The following STIM2 variants were observed in gnomAD, a reference collection of about 807,000 sequenced individuals.
STIM2 encodes the protein stromal interaction molecule 2.
A neutral mutation model predicts 85.8 loss-of-function variants in STIM2; 31 were observed. The ratio of observed to expected loss-of-function variants is 0.36; its 90% CI spans 0.27 to 0.49. The LOEUF is 0.49. Ranked by LOEUF, STIM2 falls within the 20% of genes least tolerant of loss-of-function variation. The probability of loss-of-function intolerance (pLI) is 0.98; values close to 1 mark genes in which losing one functional copy is unlikely to be tolerated. For synonymous variants in STIM2, 356 were observed against 331.1 expected (o/e 1.08, Z -0.82); for missense variants, 841 against 927.6 (o/e 0.91, Z 1.21).
intron 3 of STIM2, among the ~76,000 whole-genome samples, chr4:26,959,882 C>T (rs1014694228): frequency 1.3e-5 from 2 of 152,030 alleles, no homozygotes; most frequent in Non-Finnish European, 2.9e-5. Flanking sequence ...TCTCTAAGCC[C>T]CAGTTGGCTA....
chr4:26,910,161 A>G (rs1387266007), intron 1 of STIM2, among the ~76,000 whole-genome samples: 3 of 152,202 alleles, frequency 2.0e-5, no homozygotes, highest in Admixed American at 6.5e-5. Flanking sequence ...ATAATGATAG[A>G]TGCTACAATG....
chr4:27,021,586 A>G (rs1728914428), intron 11 of STIM2: 1 of 456,738 alleles, frequency 2.2e-6, no homozygotes, highest in Non-Finnish European at 4.4e-6. Flanking sequence ...TACTCTGAGT[A>G]TGAGAGAAAG....
intron 1 of STIM2, among the ~76,000 whole-genome samples, chr4:26,914,194 T>C (rs961029005): frequency 2.6e-5 from 4 of 152,254 alleles, no homozygotes; most frequent in African/African-American, 9.6e-5. Context: ...TTATACTTTT[T>C]CTGTTAATTA....
chr4:27,008,872 C>A lies in STIM2; in HGVS notation c.1359C>A (p.Ser453Arg). 6.2e-7 allele frequency: 1 copy of A among 1,614,162 alleles called. No homozygotes were observed. Among genetic ancestry groups the A allele is most frequent in the Non-Finnish European group, 8.5e-7 (1 of 1,180,018 alleles). ...TAGCCCATAACTCAGGACTCCCCAG[C>A]CTGACCTCTTCCCTTTATTCTGATC... Residue 453 changes from serine (S) to arginine (R), a missense_variant, in exon 10 of 12, where the codon AGC becomes AGA. By Grantham distance (110) the Ser-to-Arg change is moderately radical. Around this residue, in one of 3 missense-constraint regions of STIM2, gnomAD observed 408 missense variants for 525.4 expected, o/e 0.78. Transcript: ENST00000467087.
At chr4:26,863,375 A>G (rs1356690410) in intron 1 of STIM2, among the ~76,000 whole-genome samples, 1 of 152,178 alleles carries the variant, frequency 6.6e-6, no homozygotes, top group African/African-American at 2.4e-5. Context: ...ATAAAACTAC[A>G]CAATATACAA....
At chr4:26,968,174 A>T (rs1726803180) in intron 3 of STIM2, among the ~76,000 whole-genome samples, 1 of 152,158 alleles carries the variant, frequency 6.6e-6, no homozygotes, top group Non-Finnish European at 1.5e-5. Flanking sequence ...CTGTATCCAA[A>T]AAAAATCATT....
chr4:26,890,341 C>A (rs1723419721), intron 1 of STIM2, among the ~76,000 whole-genome samples: 1 of 152,136 alleles, frequency 6.6e-6, no homozygotes, highest in Admixed American at 6.5e-5. Context: ...ACCTTCAGGG[C>A]CTGCTTGATC....
chr4:26,874,033 G>T (rs1214217345), intron 1 of STIM2: 3 of 702,672 alleles, frequency 4.3e-6, no homozygotes, highest in Non-Finnish European at 5.3e-6. Context: ...CCAGCCACTT[G>T]GTGTCAGGAC....
intron 3 of STIM2, among the ~76,000 whole-genome samples, chr4:26,960,248 A>G (rs180982732): frequency 6.6e-6 from 1 of 152,338 alleles, no homozygotes; most frequent in East Asian, 1.9e-4. Context: ...CTGCTGAAGT[A>G]GAGATTAGAA....
chr4:26,945,353 C>T (rs572273398), intron 2 of STIM2, among the ~76,000 whole-genome samples: 62 of 152,160 alleles, frequency 4.1e-4, no homozygotes, highest in Admixed American at 7.9e-4. Flanking sequence ...CATTGATGGG[C>T]GTTTAGGTTG....
chr4:26,864,256 G>A (rs1030694984), intron 1 of STIM2, among the ~76,000 whole-genome samples: 13 of 151,992 alleles, frequency 8.6e-5, no homozygotes, highest in African/African-American at 2.9e-4. Context: ...CATATACAGC[G>A]CTTATATATT....
At chr4:26,874,406 C>A (rs1053480227) in intron 1 of STIM2, 1 of 214,514 alleles carries the variant, frequency 4.7e-6, no homozygotes. Flanking sequence ...AACGTCTGCC[C>A]GACGCCAAGT....
intron 1 of STIM2, 58 bp downstream of exon 1, chr4:26,861,427 C>G (rs545952793): frequency 8.7e-6 from 11 of 1,257,868 alleles, no homozygotes; most frequent in African/African-American, 3.1e-5. Context: ...ACCCCCAACC[C>G]GTGCAGAGGT....
chr4:26,962,464 T>C (rs916678462), intron 3 of STIM2, among the ~76,000 whole-genome samples: 1 of 152,156 alleles, frequency 6.6e-6, no homozygotes, highest in Admixed American at 6.6e-5. Flanking sequence ...GTACCCAAGA[T>C]CTTTCTGGAA....
At chr4:27,015,692 A>G (rs944245631) in intron 10 of STIM2, among the ~76,000 whole-genome samples, 2 of 151,858 alleles carry the variant, frequency 1.3e-5, no homozygotes, top group Admixed American at 6.5e-5. Context: ...GGTTCTTTTT[A>G]GATAAGCTGC....
At chr4:26,879,353 G>A (rs903244245) in intron 1 of STIM2, among the ~76,000 whole-genome samples, 2 of 151,472 alleles carry the variant, frequency 1.3e-5, no homozygotes, top group African/African-American at 4.9e-5. Context: ...TTACCTGCCT[G>A]TGGTGAAGAA....
chr4:27,003,677 A>G (rs966376900), intron 7 of STIM2, among the ~76,000 whole-genome samples: 1 of 152,000 alleles, frequency 6.6e-6, no homozygotes, highest in Non-Finnish European at 1.5e-5. Context: ...TCCTGCTGTA[A>G]AAAGAAAAAA....
chr4:26,895,687 T>C (rs1723673130), intron 1 of STIM2, among the ~76,000 whole-genome samples: 1 of 152,216 alleles, frequency 6.6e-6, no homozygotes, highest in Non-Finnish European at 1.5e-5. Flanking sequence ...TCCCAAACCA[T>C]GGAACTTCTT....
chr4:27,008,931 C>T lies in STIM2; in HGVS notation c.1418C>T (p.Pro473Leu). The T allele has an allele frequency of 6.2e-7, 1 of 1,614,106 alleles. No homozygotes were observed. The highest frequency in any genetic ancestry group is 8.5e-7 in the Non-Finnish European group (1 of 1,180,016). ...GTGGTGATGCCCAGAGTCTCCATTC[C>T]ACCCTATCCAATTGCTGGAGGAGTT... Residue 473 changes from proline to leucine, a missense_variant, in exon 10 of 12, where the codon CCA becomes CTA. By Grantham distance (98) the Pro-to-Leu change is moderately conservative. Coordinates refer to ENST00000467087, the MANE Select transcript of STIM2 (RefSeq NM_020860.4).
Sources: allele counts gnomAD v4.1 joint callset (sites outside exome capture counted in the v4.1 genomes callset), GRCh38; gene constraint gnomAD v4.1.1; regional missense constraint gnomAD v4.1.1; transcripts MANE v1.5; gene names NCBI Gene and HGNC (gene_info 2026-07-23, HGNC 2026-07-21).